The following WDPCP variants were observed in gnomAD, a reference collection of about 807,000 sequenced individuals.
The protein encoded by WDPCP is WD repeat containing planar cell polarity effector, also known as WD repeat-containing and planar cell polarity effector protein fritz homolog.
In WDPCP, 71 loss-of-function variants were observed where a neutral mutation model predicts 93.1. The observed-to-expected ratio is 0.76, with a 90% CI of 0.63 to 0.93. The LOEUF is 0.93. WDPCP is among the 40% of genes least tolerant of loss of function. The probability of loss-of-function intolerance (pLI) is 0.00; values close to 1 mark genes in which losing one functional copy is unlikely to be tolerated. For missense variants in WDPCP, 844 were observed against 887.4 expected (o/e 0.95, Z 0.62); for synonymous variants, 315 against 315.0 (o/e 1.00, Z 0.00).
rs193120079 is a variant in WDPCP, at chr2:63,180,494, A to T, written c.1916-5662T>A. Among the ~76,000 whole-genome samples the T allele has an allele frequency of 1.7e-4, 26 of 152,214 alleles. No homozygotes were observed. The East Asian group carries it at 4.8e-3, about 28-fold the overall frequency. On this transcript the variant is annotated intron_variant, in intron 14 of 17. Transcript: ENST00000272321. ...AAGATTATAGCCTCCAGTTCCATCAATGTTGCTGCAAAAGATGATTTTATT... is the reference window on the plus strand; with the variant it reads ...AAGATTATAGCCTCCAGTTCCATCATTGTTGCTGCAAAAGATGATTTTATT...
chr2:63,632,577 T>C (rs1709875431), intron 3 of WDPCP, among the ~76,000 whole-genome samples: 1 of 151,738 alleles, frequency 6.6e-6, no homozygotes, highest in East Asian at 1.9e-4. Flanking sequence ...ATGAATAAAA[T>C]GCAAAATGAA....
chr2:63,493,194 T>C (rs571384163), intron 1 of WDPCP, among the ~76,000 whole-genome samples: 2 of 152,150 alleles, frequency 1.3e-5, no homozygotes, highest in African/African-American at 2.4e-5. Context: ...AGAATATATA[T>C]AGTATTTGGG....
At chr2:63,664,784 C>T (rs1710265193) in intron 2 of WDPCP, among the ~76,000 whole-genome samples, 1 of 152,160 alleles carries the variant, frequency 6.6e-6, no homozygotes, top group Admixed American at 6.5e-5. Flanking sequence ...ATGTTCAGCA[C>T]TTTATATACA....
intron 14 of WDPCP, among the ~76,000 whole-genome samples, chr2:63,222,799 ATAAAT>A (rs758217101): frequency 6.6e-6 from 1 of 152,180 alleles, no homozygotes; most frequent in Non-Finnish European, 1.5e-5. Flanking sequence ...TTTTTAACTT[ATAAAT>A]TATTTTCCAT....
intron 14 of WDPCP, among the ~76,000 whole-genome samples, chr2:63,208,454 C>G (rs1676505207): frequency 6.6e-6 from 1 of 152,052 alleles, no homozygotes; most frequent in African/African-American, 2.4e-5. Flanking sequence ...TTTCCTTTTC[C>G]CCCATTGTGC....
At chr2:63,734,313 A>T (rs1186966077) in intron 2 of WDPCP, among the ~76,000 whole-genome samples, 1 of 152,146 alleles carries the variant, frequency 6.6e-6, no homozygotes. Context: ...AAACATCACA[A>T]AAGGCCTAGA....
At chr2:63,676,386 T>C (rs974434529) in intron 2 of WDPCP, among the ~76,000 whole-genome samples, 9 of 152,184 alleles carry the variant, frequency 5.9e-5, no homozygotes, top group Non-Finnish European at 1.5e-5. Context: ...ACCTCAGCCT[T>C]TTGTTTGGGA....
Position 63,654,654 on chromosome 2 carries a change from G to A in WDPCP, n.309-3816C>T, listed in dbSNP as rs564757083. On this transcript the variant is annotated intron_variant and non_coding_transcript_variant, in intron 2 of 4. Coordinates refer to the WDPCP transcript ENST00000467687. ...GGAGATTGGTTCCAGGACCCCCCAG[G>A]GATAGCAGAATCCATGGATAGTTGA... 1.2e-3 allele frequency among the ~76,000 whole-genome samples: 185 copies of A among 152,176 alleles called. 2 individuals are homozygous for A. Among genetic ancestry groups the A allele is most frequent in the Middle Eastern group, 3.4e-3 (1 of 294 alleles).
chr2:63,696,427 G>A (rs6546025), intron 2 of WDPCP, among the ~76,000 whole-genome samples: 117,074 of 152,074 alleles, frequency 0.77, 46,265 homozygotes, highest in African/African-American at 0.86. Flanking sequence ...AACTACGCCC[G>A]TTCTACAAGA....
chr2:63,230,739 T>A (rs931758183), intron 14 of WDPCP, among the ~76,000 whole-genome samples: 10 of 152,218 alleles, frequency 6.6e-5, no homozygotes, highest in African/African-American at 2.4e-4. Flanking sequence ...TGTCTTCTTT[T>A]GAGAAGTGTA....
chr2:63,636,985 A>G, intron 3 of WDPCP, among the ~76,000 whole-genome samples: 1 of 152,204 alleles, frequency 6.6e-6, no homozygotes, highest in Non-Finnish European at 1.5e-5. Flanking sequence ...AAAAAGAGAA[A>G]AGCTCCTTGA....
intron 2 of WDPCP, among the ~76,000 whole-genome samples, chr2:63,661,763 G>A (rs1246951860): frequency 1.3e-5 from 2 of 152,132 alleles, no homozygotes; most frequent in Non-Finnish European, 2.9e-5. Flanking sequence ...ACAATACAGG[G>A]TAATTGAATA....
In WDPCP at chr2:63,121,853, T is replaced by C; in HGVS notation, c.*153A>G. 4 of 1,419,728 alleles carry C rather than the reference T, an allele frequency of 2.8e-6. No homozygotes were observed. The highest frequency in any genetic ancestry group is 3.7e-6 in the Non-Finnish European group (4 of 1,081,522). 87.9% of individuals were successfully genotyped at this position (1,419,728 alleles called of 1,614,324 possible). A position where few individuals can be genotyped will look rare whatever the true frequency, so the allele number is the denominator to read the frequency against. On this transcript the variant is annotated 3_prime_UTR_variant, in exon 18 of 18. Transcript: ENST00000272321. Reference sequence around the variant, plus strand: ...GCATGTTTTTGAAATAATAAAACTTTATTTTGAAAACAAACACTCAACTCA... The same window carrying C: ...GCATGTTTTTGAAATAATAAAACTTCATTTTGAAAACAAACACTCAACTCA...
intron 6 of WDPCP, among the ~76,000 whole-genome samples, chr2:63,457,944 T>A (rs1276754230): frequency 6.6e-6 from 1 of 151,896 alleles, no homozygotes; most frequent in Non-Finnish European, 1.5e-5. Flanking sequence ...GCCAACATGG[T>A]GAAACCCCAT....
intron 2 of WDPCP, among the ~76,000 whole-genome samples, chr2:63,789,998 C>T (rs1274147011): frequency 6.6e-6 from 1 of 152,112 alleles, no homozygotes. Flanking sequence ...GTACTATTTC[C>T]ACCCTAAAAT....
chr2:63,586,122 G>A (rs1489106213), intron 1 of WDPCP, among the ~76,000 whole-genome samples: 2 of 152,132 alleles, frequency 1.3e-5, no homozygotes, highest in South Asian at 4.1e-4. Flanking sequence ...GAGCCACCAC[G>A]CCTAGCTGTG....
intron 1 of WDPCP, among the ~76,000 whole-genome samples, chr2:63,579,014 C>T (rs948009833): frequency 6.6e-6 from 1 of 152,180 alleles, no homozygotes. Context: ...CATATCCTTA[C>T]ACTATAGCAT....
intron 1 of WDPCP, among the ~76,000 whole-genome samples, chr2:63,547,329 C>T (rs1051720995): frequency 2.0e-5 from 3 of 152,118 alleles, no homozygotes; most frequent in African/African-American, 7.2e-5. Context: ...TAAATCAATA[C>T]AGCCATTATG....
At chr2:63,315,990 T>C (rs1166616813) in intron 12 of WDPCP, among the ~76,000 whole-genome samples, 1 of 152,044 alleles carries the variant, frequency 6.6e-6, no homozygotes, top group Non-Finnish European at 1.5e-5. Context: ...TTTGAATCCA[T>C]GAGCTCGAGT....
Sources: gnomAD v4.1 joint callset for allele counts (sites outside exome capture counted in the v4.1 genomes callset) on GRCh38, gnomAD v4.1.1 for gene constraint, MANE v1.5 for transcripts, NCBI Gene and HGNC (gene_info 2026-07-23, HGNC 2026-07-21) for gene names.